The following ACTR3C variants were observed in gnomAD, a reference collection of about 807,000 sequenced individuals.
ACTR3C encodes actin related protein 3C, also known as actin-related protein 3C.
A neutral mutation model predicts 26.3 loss-of-function variants in ACTR3C; 18 were observed. That is an observed-to-expected ratio of 0.68 (90% CI 0.47 to 1.01). The LOEUF is 1.01. ACTR3C is among the 50% of genes least tolerant of loss of function. The pLI, the probability that ACTR3C is intolerant of heterozygous loss-of-function variation, is 0.00. For synonymous variants in ACTR3C, 55 were observed against 94.5 expected (o/e 0.58, Z 2.42); for missense variants, 184 against 250.7 (o/e 0.73, Z 1.80).
the ACTR3C span, among the ~76,000 whole-genome samples, chr7:149,983,952 G>C: frequency 6.6e-6 from 1 of 152,014 alleles, no homozygotes; most frequent in African/African-American, 2.4e-5. Flanking sequence ...GCTTGCCAGG[G>C]GCTTGGGATA....
chr7:150,108,331 A>G, the ACTR3C span, among the ~76,000 whole-genome samples: 5 of 150,976 alleles, frequency 3.3e-5, no homozygotes, highest in African/African-American at 1.2e-4. Flanking sequence ...GATATTAATA[A>G]AAATCAGAAG....
the ACTR3C span, among the ~76,000 whole-genome samples, chr7:150,100,309 A>C: frequency 6.6e-6 from 1 of 151,708 alleles, no homozygotes; most frequent in Non-Finnish European, 1.5e-5. Context: ...CTCAGCAGAC[A>C]GGGAGCTAAA....
At chr7:150,186,778 T>A in the ACTR3C span, among the ~76,000 whole-genome samples, 1 of 152,292 alleles carries the variant, frequency 6.6e-6, no homozygotes, top group Admixed American at 6.5e-5. Context: ...AATAAATACT[T>A]GTTTAATAAA....
At chr7:150,131,083 T>G in the ACTR3C span, among the ~76,000 whole-genome samples, 5,510 of 148,260 alleles carry the variant, frequency 0.037, no homozygotes, top group African/African-American at 0.14. Flanking sequence ...TTTTCAAAGC[T>G]CACTAAAATG....
the ACTR3C span, among the ~76,000 whole-genome samples, chr7:149,929,620 C>A: frequency 2.0e-5 from 3 of 150,874 alleles, no homozygotes; most frequent in Non-Finnish European, 4.4e-5. Context: ...CAACCTCCGC[C>A]TCTCGGGTTC....
At chr7:150,174,747 T>C in the ACTR3C span, among the ~76,000 whole-genome samples, 1 of 146,968 alleles carries the variant, frequency 6.8e-6, no homozygotes, top group African/African-American at 2.7e-5. Flanking sequence ...AAAAAGCCTT[T>C]TCACAAAGAA....
the ACTR3C span, among the ~76,000 whole-genome samples, chr7:150,183,170 T>C: frequency 1.3e-5 from 2 of 150,774 alleles, no homozygotes. Flanking sequence ...TTAGCACTAA[T>C]TGTATTATCT....
chr7:150,029,775 G>C, the ACTR3C span, among the ~76,000 whole-genome samples: 9 of 152,132 alleles, frequency 5.9e-5, no homozygotes, highest in Non-Finnish European at 1.3e-4. Context: ...GGGTCATTCT[G>C]AATGGCTTTG....
At chr7:150,084,400 C>T in the ACTR3C span, among the ~76,000 whole-genome samples, 1 of 152,160 alleles carries the variant, frequency 6.6e-6, no homozygotes, top group Admixed American at 6.5e-5. Flanking sequence ...TCAGTATTTC[C>T]TTGTTCAATG....
chr7:150,076,172 C>A, the ACTR3C span, among the ~76,000 whole-genome samples: 1 of 151,716 alleles, frequency 6.6e-6, no homozygotes, highest in East Asian at 1.9e-4. Context: ...GCTTGGTTTT[C>A]CTACATTTGA....
the ACTR3C span, among the ~76,000 whole-genome samples, chr7:150,235,296 T>C: frequency 6.6e-6 from 1 of 152,226 alleles, no homozygotes; most frequent in Non-Finnish European, 1.5e-5. Flanking sequence ...AACGTTAGGC[T>C]TGAAGAAACA....
the ACTR3C span, among the ~76,000 whole-genome samples, chr7:150,190,888 G>A: frequency 2.0e-5 from 3 of 152,138 alleles, no homozygotes; most frequent in Non-Finnish European, 4.4e-5. Context: ...GCAAGGAAAC[G>A]TGCCAAGCAA....
chr7:150,299,072 C>A (rs1795191660), intron 1 of ACTR3C, among the ~76,000 whole-genome samples: 1 of 150,150 alleles, frequency 6.7e-6, no homozygotes, highest in Admixed American at 6.6e-5. Context: ...GACTCCACCT[C>A]CCAGAATTCA....
chr7:150,292,906 C>G (rs553457887), intron 3 of ACTR3C, among the ~76,000 whole-genome samples: 3 of 152,348 alleles, frequency 2.0e-5, no homozygotes, highest in African/African-American at 7.2e-5. Context: ...ACGCACTGCA[C>G]CTACAAATTC....
chr7:150,275,839 T>C (rs1233961041), intron 6 of ACTR3C, among the ~76,000 whole-genome samples: 2 of 152,188 alleles, frequency 1.3e-5, no homozygotes, highest in Non-Finnish European at 2.9e-5. Context: ...ACTCTGCTCA[T>C]CTGTAGAGTC....
chr7:149,889,352 A>T, the ACTR3C span, among the ~76,000 whole-genome samples: 4 of 152,206 alleles, frequency 2.6e-5, no homozygotes, highest in African/African-American at 9.6e-5. Context: ...AAAGGGAAAA[A>T]TTTTCTAAAT....
At chr7:150,242,408 C>T (rs1025017783), downstream of ACTR3C, among the ~76,000 whole-genome samples, 3 of 150,638 alleles carry the variant, frequency 2.0e-5, no homozygotes, top group Admixed American at 6.6e-5. Context: ...CAAAGGGGCA[C>T]AGGGAGCTTT....
At chr7:150,217,167 T>A in the ACTR3C span, among the ~76,000 whole-genome samples, 2 of 145,794 alleles carry the variant, frequency 1.4e-5, no homozygotes, top group African/African-American at 5.6e-5. Context: ...GTTTATTGAA[T>A]CCTCATGAAA....
At chr7:150,152,061 G>A in the ACTR3C span, among the ~76,000 whole-genome samples, 16 of 149,518 alleles carry the variant, frequency 1.1e-4, no homozygotes, top group African/African-American at 3.9e-4. Context: ...GGGTTTTCTA[G>A]ATATACAATC....
Sources: gnomAD v4.1 joint callset for allele counts (sites outside exome capture counted in the v4.1 genomes callset) on GRCh38, gnomAD v4.1.1 for gene constraint, MANE v1.5 for transcripts, NCBI Gene and HGNC (gene_info 2026-07-23, HGNC 2026-07-21) for gene names.